SPON1: variants seen among roughly 807,000 people sequenced by gnomAD.
SPON1 encodes the protein spondin-1.
A neutral mutation model predicts 111.7 loss-of-function variants in SPON1; 52 were observed. The observed-to-expected ratio is 0.47, with a 90% CI of 0.37 to 0.59. The LOEUF (loss-of-function observed/expected upper bound fraction) is 0.59. Among genes scored for constraint, SPON1 ranks in the 20% least tolerant of loss-of-function variants. The probability of loss-of-function intolerance (pLI) is 0.00; values close to 1 mark genes in which losing one functional copy is unlikely to be tolerated. For synonymous variants in SPON1, 410 were observed against 395.8 expected (o/e 1.04, Z -0.43); for missense variants, 957 against 1,068.5 (o/e 0.90, Z 1.46).
chr11:14,154,901 A>G (rs1269632672), intron 6 of SPON1, among the ~76,000 whole-genome samples: 1 of 152,152 alleles, frequency 6.6e-6, no homozygotes, highest in Non-Finnish European at 1.5e-5. Context: ...CTAAGATAAA[A>G]TTTCTAAATT....
intron 5 of SPON1, among the ~76,000 whole-genome samples, chr11:14,119,858 G>A (rs1248351626): frequency 6.6e-6 from 1 of 152,132 alleles, no homozygotes; most frequent in Non-Finnish European, 1.5e-5. Context: ...GAGCTGTACT[G>A]TCCAGTACAG....
chr11:14,001,065 A>G (rs1374106108), intron 2 of SPON1, among the ~76,000 whole-genome samples: 2 of 152,214 alleles, frequency 1.3e-5, no homozygotes, highest in Admixed American at 6.5e-5. Flanking sequence ...AATTACTTCC[A>G]TCAGAGAACT....
At chr11:14,257,942 G>A (rs1554941420) in intron 11 of SPON1, 44 bp downstream of exon 11, 3 of 1,476,184 alleles carry the variant, frequency 2.0e-6, no homozygotes, top group Non-Finnish European at 2.7e-6. Flanking sequence ...CAGGAGTTCA[G>A]GAAGGGAGGG....
intron 6 of SPON1, among the ~76,000 whole-genome samples, chr11:14,159,892 G>A (rs540892734): frequency 1.0e-3 from 137 of 131,016 alleles, no homozygotes; most frequent in Non-Finnish European, 1.7e-3. Context: ...GCTGGGAAGG[G>A]TAGTGGGGGG....
At chr11:13,981,483 C>T (rs1213299827) in intron 1 of SPON1, among the ~76,000 whole-genome samples, 1 of 152,140 alleles carries the variant, frequency 6.6e-6, no homozygotes, top group African/African-American at 2.4e-5. Flanking sequence ...CCTACCACCA[C>T]GCCTGGCTAA....
In SPON1 at chr11:14,214,580, G is replaced by C. The variant is rs376218500; in HGVS notation, c.826-28752G>C. Among the ~76,000 whole-genome samples, 43 of 152,276 alleles carry C rather than the reference G, an allele frequency of 2.8e-4. No individual in the cohort carries two copies. In the South Asian group the frequency reaches 8.9e-3, roughly 32 times the overall value. On this transcript the variant is annotated intron_variant, in intron 6 of 15. Transcript: ENST00000576479. The stretch of plus-strand genomic sequence containing the variant: ...ACCAACTTGATGAACATGTTGGCCT[G>C]TCTGTTCCACACACCAAGGAGGTAA...
rs1014443409 is a variant in SPON1, at chr11:13,990,242, A to G, written c.345+7289A>G. ...ATCTGAGTGCTCCTGTATTGGGTGC[A>G]CATATATTTAGGATAGTTAGCTCTT... is the stretch of plus-strand genomic sequence containing the variant. On this transcript the variant is annotated intron_variant, in intron 2 of 15. Coordinates refer to ENST00000576479, the MANE Select transcript of SPON1 (RefSeq NM_006108.4). 4.6e-5 allele frequency among the ~76,000 whole-genome samples: 7 copies of G among 152,242 alleles called. No homozygotes were observed. The East Asian group carries it at 1.2e-3, about 25-fold the overall frequency.
chr11:14,248,556 G>C (rs1554940426), intron 7 of SPON1, among the ~76,000 whole-genome samples: 1 of 151,968 alleles, frequency 6.6e-6, no homozygotes, highest in African/African-American at 2.4e-5. Flanking sequence ...GCTTGTTAAG[G>C]GAAAAGAATT....
intron 2 of SPON1, among the ~76,000 whole-genome samples, chr11:14,001,763 C>G (rs1554912477): frequency 6.6e-6 from 1 of 151,942 alleles, no homozygotes; most frequent in Non-Finnish European, 1.5e-5. Context: ...GAAAGAATGA[C>G]AAACAAACAT....
chr11:13,977,299 C>T (rs1564877583), intron 1 of SPON1, among the ~76,000 whole-genome samples: 1 of 152,216 alleles, frequency 6.6e-6, no homozygotes, highest in South Asian at 2.1e-4. Flanking sequence ...CTAATTTTCA[C>T]TTCTATCAAC....
At chr11:14,176,218 C>T (rs550857760) in intron 6 of SPON1, among the ~76,000 whole-genome samples, 1 of 152,194 alleles carries the variant, frequency 6.6e-6, no homozygotes, top group South Asian at 2.1e-4. Context: ...CCTCTGAGAT[C>T]CCTTCCACAT....
At chr11:14,080,268 G>A (rs895673702) in intron 5 of SPON1, among the ~76,000 whole-genome samples, 1 of 148,768 alleles carries the variant, frequency 6.7e-6, no homozygotes, top group Non-Finnish European at 1.5e-5. Context: ...TCGCTCTGTT[G>A]CCGAGGCTGG....
intron 5 of SPON1, among the ~76,000 whole-genome samples, chr11:14,108,987 C>T (rs1849206416): frequency 6.6e-6 from 1 of 152,236 alleles, no homozygotes; most frequent in South Asian, 2.1e-4. Flanking sequence ...GTAAGGAAAC[C>T]ATTTAATTGT....
intron 6 of SPON1, among the ~76,000 whole-genome samples, chr11:14,178,540 CT>C: frequency 1.3e-5 from 2 of 152,224 alleles, no homozygotes; most frequent in South Asian, 4.1e-4. Flanking sequence ...ATCAGCCTGC[CT>C]TTTTTTATTC....
chr11:14,205,627 C>T (rs1848509410), intron 6 of SPON1, among the ~76,000 whole-genome samples: 1 of 152,152 alleles, frequency 6.6e-6, no homozygotes, highest in Admixed American at 6.5e-5. Flanking sequence ...AGGTCACATG[C>T]TGAAAGCCCA....
At chr11:14,081,169 T>C (rs910358332) in intron 5 of SPON1, among the ~76,000 whole-genome samples, 4 of 152,190 alleles carry the variant, frequency 2.6e-5, no homozygotes, top group Non-Finnish European at 1.5e-5. Flanking sequence ...CCAAACTTAC[T>C]ATTTTTTAAG....
At chr11:13,965,454 C>G (rs1564874754) in intron 1 of SPON1, among the ~76,000 whole-genome samples, 1 of 152,112 alleles carries the variant, frequency 6.6e-6, no homozygotes, top group Non-Finnish European at 1.5e-5. Flanking sequence ...AGCTGGTATT[C>G]ACGGGGCCAA....
At chr11:14,010,185 A>C (rs1848393299) in intron 2 of SPON1, among the ~76,000 whole-genome samples, 1 of 152,174 alleles carries the variant, frequency 6.6e-6, no homozygotes, top group Admixed American at 6.5e-5. Flanking sequence ...GGAGGGCCCC[A>C]CAGCTAATTC....
Position 14,010,446 on chromosome 11 carries a change from G to C in SPON1, c.345+27493G>C, listed in dbSNP as rs1183544006. Among the ~76,000 whole-genome samples the C allele has an allele frequency of 2.6e-5, 4 of 152,082 alleles. No individual in the cohort carries two copies. The East Asian group carries it at 7.7e-4, about 29-fold the overall frequency. ...TGTAAAGGAGGGACGAGGTTGAGGG[G>C]CACGTGAAGCAGCAGGTGAGGCCAA... On this transcript the variant is annotated intron_variant, in intron 2 of 15. Transcript: ENST00000576479.
Sources: gnomAD v4.1 joint callset for allele counts (sites outside exome capture counted in the v4.1 genomes callset) on GRCh38, gnomAD v4.1.1 for gene constraint, MANE v1.5 for transcripts, NCBI Gene and HGNC (gene_info 2026-07-23, HGNC 2026-07-21) for gene names.